FRMPD1: variants seen among roughly 807,000 people sequenced by gnomAD.
FRMPD1 encodes the protein FERM and PDZ domain-containing protein 1.
Under a neutral mutation model 117.8 loss-of-function variants are expected in FRMPD1, and 76 were observed. The ratio of observed to expected loss-of-function variants is 0.65; its 90% CI spans 0.54 to 0.78. The LOEUF (loss-of-function observed/expected upper bound fraction) is 0.78. FRMPD1 is among the 30% of genes least tolerant of loss of function. The probability of loss-of-function intolerance (pLI) is 0.00; values close to 1 mark genes in which losing one functional copy is unlikely to be tolerated. For missense variants in FRMPD1, 1,786 were observed against 1,964.5 expected (o/e 0.91, Z 1.72); for synonymous variants, 783 against 770.4 (o/e 1.02, Z -0.27).
chr9:37,639,882 G>C, the FRMPD1 span, among the ~76,000 whole-genome samples: 1 of 152,098 alleles, frequency 6.6e-6, no homozygotes, highest in Non-Finnish European at 1.5e-5. Context: ...GCTGGTCCTG[G>C]ACTCCTGAGC....
chr9:37,703,614 A>G (rs1256374721), intron 2 of FRMPD1, among the ~76,000 whole-genome samples: 4 of 152,188 alleles, frequency 2.6e-5, no homozygotes, highest in Admixed American at 6.5e-5. Flanking sequence ...CAGATCTGCA[A>G]CTGTCACAAG....
intron 1 of FRMPD1, among the ~76,000 whole-genome samples, chr9:37,688,552 T>TC (rs1822027079): frequency 6.6e-6 from 1 of 151,938 alleles, no homozygotes; most frequent in Non-Finnish European, 1.5e-5. Flanking sequence ...TAGGAATTTA[T>TC]CCCCCCAAAA....
At chr9:37,620,283 T>C in the FRMPD1 span, among the ~76,000 whole-genome samples, 1 of 152,192 alleles carries the variant, frequency 6.6e-6, no homozygotes, top group East Asian at 1.9e-4. Context: ...AGCAGTGGCT[T>C]GGCATTGCTG....
the FRMPD1 span, among the ~76,000 whole-genome samples, chr9:37,634,426 T>C: frequency 2.0e-5 from 3 of 152,364 alleles, no homozygotes; most frequent in South Asian, 2.1e-4. Context: ...CTAGTTTTCC[T>C]GAAGTGTTCC....
At chr9:37,738,325 AT>A (rs200698663) in intron 14 of FRMPD1, among the ~76,000 whole-genome samples, 27,988 of 152,122 alleles carry the variant, frequency 0.18, 2,755 homozygotes, top group Admixed American at 0.22. Context: ...AGTTTGGAGT[AT>A]CTGTTACCTT....
At chr9:37,708,579 C>G in intron 4 of FRMPD1, 78 bp downstream of exon 4, 1 of 839,092 alleles carries the variant, frequency 1.2e-6, no homozygotes, top group East Asian at 2.5e-5. Context: ...AATGGCATAA[C>G]TGATCCCCTG....
chr9:37,613,686 A>T, the FRMPD1 span, among the ~76,000 whole-genome samples: 1 of 152,198 alleles, frequency 6.6e-6, no homozygotes, highest in Non-Finnish European at 1.5e-5. Context: ...TTCAACTCAC[A>T]TTCTTTCAAG....
chr9:37,745,813 C>T lies in FRMPD1; in HGVS notation c.3781C>T (p.Pro1261Ser). Residue 1261 changes from proline (P) to serine (S), a missense_variant, in exon 16 of 16, where the codon CCA (proline) becomes TCA (serine). Physicochemically the swap from Pro to Ser is moderately conservative, Grantham distance 74 (BLOSUM62 -1). Transcript: ENST00000377765. ...NPEPSLPEPL[P>S]CPQEDPHLET... ...TGAGCCTTCCCTGCCAGAACCACTA[C>T]CATGTCCACAAGAGGATCCTCACTT... The T allele has an allele frequency of 6.2e-7, 1 of 1,614,062 alleles. No individual in the cohort carries two copies. Among genetic ancestry groups the T allele is most frequent in the Admixed American group, 1.7e-5 (1 of 60,030 alleles).
chr9:37,646,597 T>C (rs1360081050), upstream of FRMPD1, among the ~76,000 whole-genome samples: 3 of 152,222 alleles, frequency 2.0e-5, no homozygotes, highest in Non-Finnish European at 4.4e-5. Context: ...TAAATATTTC[T>C]AACATCGAAA....
intron 14 of FRMPD1, among the ~76,000 whole-genome samples, chr9:37,739,864 A>G (rs994292312): frequency 1.4e-4 from 21 of 152,114 alleles, no homozygotes; most frequent in African/African-American, 5.1e-4. Flanking sequence ...TTTAGCTCAG[A>G]GAGATGTGGG....
At chr9:37,640,933 T>G in the FRMPD1 span, among the ~76,000 whole-genome samples, 6 of 152,156 alleles carry the variant, frequency 3.9e-5, no homozygotes, top group Non-Finnish European at 5.9e-5. Context: ...CAGGTTGGAG[T>G]GCAATGGAGC....
intron 1 of FRMPD1, among the ~76,000 whole-genome samples, chr9:37,673,928 G>A (rs756520877): frequency 6.6e-6 from 1 of 152,234 alleles, no homozygotes; most frequent in Non-Finnish European, 1.5e-5. Flanking sequence ...GAGCCTCTGT[G>A]CCTGTGATGG....
intron 4 of FRMPD1, 117 bp downstream of exon 4, chr9:37,708,618 G>A: frequency 1.5e-6 from 1 of 654,632 alleles, no homozygotes; most frequent in Non-Finnish European, 2.7e-6. Flanking sequence ...CTCCTTTAAA[G>A]CAGCAAAAAC....
the FRMPD1 span, among the ~76,000 whole-genome samples, chr9:37,620,701 T>C: frequency 8.6e-3 from 1,306 of 152,290 alleles, 23 homozygotes; most frequent in African/African-American, 0.029. Context: ...TTATATGCTA[T>C]AGAAAGTATA....
At chr9:37,610,604 T>C in the FRMPD1 span, among the ~76,000 whole-genome samples, 11 of 151,744 alleles carry the variant, frequency 7.2e-5, no homozygotes, top group South Asian at 2.3e-3. Flanking sequence ...TCTTTTTTTT[T>C]TTTTTTTGAG....
Position 37,746,579 on chromosome 9 carries a change from G to A in FRMPD1, c.4547G>A (p.Arg1516Gln), listed in dbSNP as rs763243500. 18 of 1,613,700 alleles carry A rather than the reference G, an allele frequency of 1.1e-5. No individual in the cohort carries two copies. Among genetic ancestry groups the A allele is most frequent in the Non-Finnish European group, 1.4e-5 (16 of 1,180,000 alleles). The change falls in exon 16 of 16, where the codon CGG (arginine) becomes CAG (glutamine). Residue 1516 changes from arginine to glutamine, a missense_variant. Physicochemically the swap from Arg to Gln is conservative, Grantham distance 43. Transcript: ENST00000377765. ...QFTDCSRCSARHREAAGNLRD... is the reference protein window; with the variant it reads ...QFTDCSRCSAQHREAAGNLRD... ...ACAGACTGTAGCCGCTGCTCCGCCC[G>A]GCACAGGGAGGCAGCGGGGAACCTG...
At chr9:37,654,388 G>C (rs975801916) in intron 1 of FRMPD1, among the ~76,000 whole-genome samples, 3 of 152,194 alleles carry the variant, frequency 2.0e-5, no homozygotes, top group African/African-American at 7.2e-5. Context: ...CAGCAGCTCT[G>C]TATCTGTAAG....
chr9:37,746,384 G>A lies in FRMPD1; in HGVS notation c.4352G>A (p.Cys1451Tyr). The A allele has an allele frequency of 6.2e-7, 1 of 1,612,872 alleles. No homozygotes were observed. Among genetic ancestry groups the A allele is most frequent in the Non-Finnish European group, 8.5e-7 (1 of 1,179,828 alleles). ...GGAAACAAACATCCCCCAGAGAAGTGCACCTGGCACTTTACCGAAAGCCGG... is the reference window on the plus strand; with the variant it reads ...GGAAACAAACATCCCCCAGAGAAGTACACCTGGCACTTTACCGAAAGCCGG... ...GVGNKHPPEK[C>Y]TWHFTESRSR... Residue 1451 changes from cysteine (C) to tyrosine (Y), a missense_variant, in exon 16 of 16, where the codon TGC becomes TAC. Physicochemically the swap from Cys to Tyr is radical, Grantham distance 194. Transcript: ENST00000377765.
At chr9:37,638,275 G>T in the FRMPD1 span, among the ~76,000 whole-genome samples, 2 of 152,014 alleles carry the variant, frequency 1.3e-5, no homozygotes, top group Non-Finnish European at 2.9e-5. Context: ...GTTTCACCAT[G>T]TTGGCCAGGC....
Sources: allele counts gnomAD v4.1 joint callset (sites outside exome capture counted in the v4.1 genomes callset), GRCh38; gene constraint gnomAD v4.1.1; transcripts MANE v1.5; gene names NCBI Gene and HGNC (gene_info 2026-07-23, HGNC 2026-07-21).